Variants in CA12 observed in about 807,000 individuals in gnomAD.
CA12 encodes the protein carbonate dehydratase XII.
In CA12, 36 loss-of-function variants were observed where a neutral mutation model predicts 46.8. The observed-to-expected ratio is 0.77, with a 90% CI of 0.59 to 1.02. The LOEUF (loss-of-function observed/expected upper bound fraction) is 1.02, where lower values mean the gene tolerates loss of function less well. CA12 is among the 50% of genes least tolerant of loss of function. The probability of loss-of-function intolerance (pLI) is 0.00; values close to 1 mark genes in which losing one functional copy is unlikely to be tolerated. For synonymous variants in CA12, 202 were observed against 187.0 expected (o/e 1.08, Z -0.65); for missense variants, 436 against 451.4 (o/e 0.97, Z 0.31).
chr15:63,360,282 T>A (rs543164287), intron 2 of CA12, among the ~76,000 whole-genome samples: 1 of 152,344 alleles, frequency 6.6e-6, no homozygotes, highest in South Asian at 2.1e-4. Flanking sequence ...AACTCAAGGC[T>A]TGGGAAACCT....
chr15:63,381,124 C>T (rs2039639725), intron 1 of CA12, among the ~76,000 whole-genome samples: 1 of 152,008 alleles, frequency 6.6e-6, no homozygotes, highest in Non-Finnish European at 1.5e-5. Context: ...TGGAGAAAAA[C>T]AATGATTAAG....
Position 63,339,087 on chromosome 15 carries a change from G to T in CA12, c.748-142C>A. 2 of 1,064,764 alleles carry T rather than the reference G, an allele frequency of 1.9e-6. No individual in the cohort carries two copies. The highest frequency in any genetic ancestry group is 2.8e-6 in the Non-Finnish European group (2 of 717,162). 66.0% of individuals were successfully genotyped at this position (1,064,764 alleles called of 1,614,324 possible). A position where few individuals can be genotyped will look rare whatever the true frequency, so the allele number is the denominator to read the frequency against. On this transcript the variant is annotated intron_variant, in intron 7 of 10. Transcript: ENST00000178638. This position sits in a 1 kb window ranked among gnomAD's most constrained non-coding sequence, Gnocchi z 4.3. ...GGGGCCGGGTGGGAGATATTAGAAAGCAGAGGGAAAGCCACAGAACTGCTT... is the reference window on the plus strand; with the variant it reads ...GGGGCCGGGTGGGAGATATTAGAAATCAGAGGGAAAGCCACAGAACTGCTT...
At chr15:63,379,202 G>A (rs944978331) in intron 1 of CA12, 7 of 152,188 alleles carry the variant, frequency 4.6e-5, no homozygotes, top group African/African-American at 1.7e-4. Context: ...TGGGACTCCA[G>A]ACTCGGCACT....
rs183380249 is a variant in CA12 at position 63,367,997 on chromosome 15, G to A, written c.106+7661C>T. On this transcript the variant is annotated intron_variant, in intron 2 of 10. Transcript: ENST00000178638. ...TCACATGATTCCCCATCATACTTAC[G>A]TGCTGTGTCAGACCAGGTGCATAAT... is the stretch of plus-strand genomic sequence containing the variant. Among the ~76,000 whole-genome samples, 690 of 152,284 alleles carry A rather than the reference G, an allele frequency of 4.5e-3. 6 individuals are homozygous for A. The highest frequency in any genetic ancestry group is 6.5e-3 in the Non-Finnish European group (445 of 68,026).
chr15:63,361,255 C>T (rs1438829279), intron 2 of CA12, among the ~76,000 whole-genome samples: 1 of 152,224 alleles, frequency 6.6e-6, no homozygotes, highest in East Asian at 1.9e-4. Context: ...TTTAATGATA[C>T]AATAATACAA....
At position 63,324,074 on chromosome 15, in the gene CA12, G is replaced by A. The variant is rs1470431672; in HGVS notation, c.*2211C>T. 1 of 152,226 alleles carries A rather than the reference G, an allele frequency of 6.6e-6. No individual in the cohort carries two copies. The highest frequency in any genetic ancestry group is 1.9e-4 in the East Asian group (1 of 5,194). The allele number at this position is 152,226 out of a possible 1,614,324, so 9.4% of individuals were successfully genotyped here. On this transcript the variant is annotated 3_prime_UTR_variant, in exon 11 of 11. Coordinates refer to ENST00000178638, the MANE Select transcript of CA12 (RefSeq NM_001218.5). ...GGAATGAGTGCGGATCCGAAGAAAG[G>A]TTTCCCAGTTCCAAAGCTGGACCCA...
chr15:63,346,406 C>G (rs1331760535), intron 3 of CA12, 124 bp downstream of exon 3: 1 of 692,624 alleles, frequency 1.4e-6, no homozygotes, highest in Non-Finnish European at 2.6e-6. Flanking sequence ...GACACCCCCG[C>G]CCCGCCCCAC....
rs375002808 is a variant in CA12, at chr15:63,340,752, A to G, written c.557T>C (p.Ile186Thr). 2.0e-4 allele frequency: 327 copies of G among 1,614,076 alleles called. No individual in the cohort carries two copies. The highest frequency in any genetic ancestry group is 2.7e-4 in the Non-Finnish European group (317 of 1,180,034). The change falls in exon 6 of 11, where the codon ATC becomes ACC. Residue 186 changes from isoleucine (I) to threonine (T), a missense_variant. Ile to Thr is a moderately conservative substitution (Grantham distance 89). Coordinates refer to ENST00000178638, the MANE Select transcript of CA12 (RefSeq NM_001218.5). This position sits in a 1 kb window ranked among gnomAD's most constrained non-coding sequence, Gnocchi z 4.4. The part of the protein sequence containing the change: ...MGSFNPSYDK[I>T]FSHLQHVKYK... ...CTTTACATGTTGAAGGTGACTGAAG[A>G]TCTTGTCATAGGACGGATTGAAGGA...
In CA12 at chr15:63,338,686, G is replaced by C. The variant is rs548175195; in HGVS notation, c.874+133C>G. 190 of 1,196,308 alleles carry C rather than the reference G, an allele frequency of 1.6e-4. 4 individuals carry two copies. In the South Asian group the frequency reaches 2.3e-3, roughly 14 times the overall value. The allele number at this position is 1,196,308 out of a possible 1,614,324, so 74.1% of individuals were successfully genotyped here. On this transcript the variant is annotated intron_variant, in intron 8 of 10. Coordinates refer to ENST00000178638, the MANE Select transcript of CA12 (RefSeq NM_001218.5). ...CCACACCTAGTCTCACAAGGCGCCT[G>C]GTTCCCGTGGCAGCCAGGGAGCTCT...
At chr15:63,326,619 C>A (rs950875212) in intron 10 of CA12, among the ~76,000 whole-genome samples, 10 of 152,116 alleles carry the variant, frequency 6.6e-5, no homozygotes, top group Non-Finnish European at 1.3e-4. Flanking sequence ...TGTCACCCCC[C>A]TCTTCAAACC....
chr15:63,342,276 G>A lies in CA12; in HGVS notation c.430-179C>T, dbSNP rs114933218. On this transcript the variant is annotated intron_variant, in intron 4 of 10. Transcript: ENST00000178638. Reference sequence around the variant, plus strand: ...CCAAGGATAAGGACATGTGCCCAAGGTGGTCAGGGCATGGCTTGTTTTGAT... The same window carrying A: ...CCAAGGATAAGGACATGTGCCCAAGATGGTCAGGGCATGGCTTGTTTTGAT... 9.3e-3 allele frequency among the ~76,000 whole-genome samples: 1,421 copies of A among 152,236 alleles called. 16 individuals carry two copies. The highest frequency in any genetic ancestry group is 0.018 in the African/African-American group (736 of 41,518).
In CA12 at chr15:63,381,672, A is replaced by C. The variant is rs2039648181; in HGVS notation, c.49T>G (p.Leu17Val). The C allele has an allele frequency of 6.2e-7, 1 of 1,611,444 alleles. No individual in the cohort carries two copies. Among genetic ancestry groups the C allele is most frequent in the Admixed American group, 1.7e-5 (1 of 59,836 alleles). ...HAAAVLLLVI[L>V]KEQPSSPAPV... ...GCCGGGCTGGAAGGCTGTTCCTTTA[A>C]GATCACCAGCAGGAGCACGGCCGCC... Residue 17 changes from leucine (L) to valine (V), a missense_variant, in exon 1 of 11, where the codon TTA (leucine) becomes GTA (valine). By Grantham distance (32) the Leu-to-Val change is conservative. Coordinates refer to ENST00000178638, the MANE Select transcript of CA12 (RefSeq NM_001218.5).
rs1447766550 is a variant in CA12, at chr15:63,374,035, C to T, written c.106+1623G>A. On this transcript the variant is annotated intron_variant, in intron 2 of 10. Transcript: ENST00000178638. The surrounding 1 kb of genome is among the most constrained non-coding windows in gnomAD (Gnocchi z 4.4). ...GGTTTCTCCACAGGCCAAACACCTT[C>T]CTGCCTCCCTCCATCCTTCCCCCTC... 6.6e-6 allele frequency among the ~76,000 whole-genome samples: 1 copy of T among 152,154 alleles called. No homozygotes were observed. Among genetic ancestry groups the T allele is most frequent in the African/African-American group, 2.4e-5 (1 of 41,420 alleles).
Position 63,321,576 on chromosome 15 carries a change from C to A in CA12, c.*4709G>T, listed in dbSNP as rs1388408488. 6.6e-6 allele frequency: 1 copy of A among 152,266 alleles called. No individual in the cohort carries two copies. Among genetic ancestry groups the A allele is most frequent in the African/African-American group, 2.4e-5 (1 of 41,460 alleles). 9.4% of individuals were successfully genotyped at this position (152,266 alleles called of 1,614,324 possible). ...GCCCGAGGACCACGTGCGGGGCGGT[C>A]TCCAGTGTGGATGGCAGCCCGGCTG... On this transcript the variant is annotated 3_prime_UTR_variant, in exon 11 of 11. Coordinates refer to ENST00000178638, the MANE Select transcript of CA12 (RefSeq NM_001218.5). The surrounding 1 kb of genome is among the most constrained non-coding windows in gnomAD (Gnocchi z 4.5).
rs149080405 is a variant in CA12, at chr15:63,346,826, G to A, written c.107-117C>T. On this transcript the variant is annotated intron_variant, in intron 2 of 10. Coordinates refer to ENST00000178638, the MANE Select transcript of CA12 (RefSeq NM_001218.5). ...TTCTCCTCTTTTCTGAATCCCCGGA[G>A]GTAAATCTTCAAGGCTCAGAGTCTT... 3.4e-3 allele frequency: 3,961 copies of A among 1,181,440 alleles called. 11 individuals are homozygous for A. The highest frequency in any genetic ancestry group is 4.0e-3 in the Non-Finnish European group (3,290 of 815,780). The allele number at this position is 1,181,440 out of a possible 1,614,324, so 73.2% of individuals were successfully genotyped here. A position where few individuals can be genotyped will look rare whatever the true frequency, so the allele number is the denominator to read the frequency against.
At chr15:63,370,608 A>G (rs1239949680) in intron 2 of CA12, among the ~76,000 whole-genome samples, 1 of 151,908 alleles carries the variant, frequency 6.6e-6, no homozygotes, top group Admixed American at 6.6e-5. Flanking sequence ...CCCCGTCTCT[A>G]TTAAAAATAC....
intron 2 of CA12, among the ~76,000 whole-genome samples, chr15:63,363,035 G>T (rs1198263720): frequency 1.3e-5 from 2 of 152,160 alleles, no homozygotes; most frequent in Admixed American, 1.3e-4. Context: ...ATCTCACCGG[G>T]TGCTGTGCTG....
rs2038840984 is a variant in CA12 at position 63,324,562 on chromosome 15, A to T, written c.*1723T>A. The T allele has an allele frequency of 6.6e-6, 1 of 152,356 alleles. No individual in the cohort carries two copies. The highest frequency in any genetic ancestry group is 2.4e-5 in the African/African-American group (1 of 41,460). 9.4% of individuals were successfully genotyped at this position (152,356 alleles called of 1,614,324 possible). On this transcript the variant is annotated 3_prime_UTR_variant, in exon 11 of 11. Coordinates refer to ENST00000178638, the MANE Select transcript of CA12 (RefSeq NM_001218.5). The stretch of plus-strand genomic sequence containing the variant: ...AGGTCTTGAGTGCACACACACACAC[A>T]AACACACAGAGAGACACACACACAT...
rs182838832 is a variant in CA12, at chr15:63,365,507, T to C, written c.106+10151A>G. Among the ~76,000 whole-genome samples, 946 of 152,320 alleles carry C rather than the reference T, an allele frequency of 6.2e-3. 9 individuals are homozygous for C. The highest frequency in any genetic ancestry group is 6.0e-3 in the Non-Finnish European group (409 of 68,020). ...AGTTGTAAACAGGGGCAGGGTTTGG[T>C]GACATGAGCTTCCCCTCCCCTGCCT... On this transcript the variant is annotated intron_variant, in intron 2 of 10. Coordinates refer to ENST00000178638, the MANE Select transcript of CA12 (RefSeq NM_001218.5).
Sources: allele counts gnomAD v4.1 joint callset (sites outside exome capture counted in the v4.1 genomes callset), GRCh38; gene constraint gnomAD v4.1.1; non-coding constraint Gnocchi (gnomAD v3.1); transcripts MANE v1.5; gene names NCBI Gene and HGNC (gene_info 2026-07-23, HGNC 2026-07-21).